Variants in ARHGEF18 observed in about 807,000 individuals in gnomAD.
The protein encoded by ARHGEF18 is rho guanine nucleotide exchange factor 18.
Under a neutral mutation model 155.7 loss-of-function variants are expected in ARHGEF18, and 93 were observed. The observed-to-expected ratio is 0.60, with a 90% CI of 0.50 to 0.71. The LOEUF is 0.71. Among genes scored for constraint, ARHGEF18 ranks in the 30% least tolerant of loss-of-function variants. ARHGEF18 has a pLI of 0.00. For missense variants in ARHGEF18, 1,593 were observed against 1,816.1 expected, an observed-to-expected ratio of 0.88 and a Z score of 2.23; for synonymous variants, 742 against 753.1, an observed-to-expected ratio of 0.99 and a Z score of 0.24.
chr19:7,381,099 G>A, intron 8 of ARHGEF18, 105 bp downstream of exon 8: 1 of 869,336 alleles, frequency 1.2e-6, no homozygotes, highest in Non-Finnish European at 1.5e-6. Flanking sequence ...AGGAGCTGGA[G>A]CCCCCATCAG....
chr19:7,452,713 G>A (rs564212209), intron 16 of ARHGEF18, among the ~76,000 whole-genome samples: 4 of 151,600 alleles, frequency 2.6e-5, no homozygotes, highest in East Asian at 2.0e-4. Context: ...TGATCTGCCC[G>A]CCTCAGCCTC....
intron 10 of ARHGEF18, among the ~76,000 whole-genome samples, chr19:7,385,862 T>TCTCTCTCTCC (rs2044688325): frequency 1.0e-5 from 1 of 97,406 alleles, no homozygotes; most frequent in Admixed American, 9.7e-5. Flanking sequence ...TCTCTCTCTC[T>TCTCTCTCTCC]CTCTCTCTCC....
In ARHGEF18 at chr19:7,422,277, C is replaced by T. The variant is rs188645347; in HGVS notation, c.968-18067C>T. On this transcript the variant is annotated intron_variant, in intron 10 of 28. Transcript: ENST00000668164. ...GCAGCATGTAAAACGCCACGCATGC[C>T]CCGCCCAGCCTGCCTTTTAATCTTC... Among the ~76,000 whole-genome samples, 212 of 152,048 alleles carry T rather than the reference C, an allele frequency of 1.4e-3. 1 individual carries two copies. The highest frequency in any genetic ancestry group is 6.8e-3 in the Middle Eastern group (2 of 294).
Position 7,444,596 on chromosome 19 carries a change from A to C in ARHGEF18, c.1611+142A>C. 2 of 1,236,298 alleles carry C rather than the reference A, an allele frequency of 1.6e-6. No individual in the cohort carries two copies. Among genetic ancestry groups the C allele is most frequent in the Non-Finnish European group, 2.2e-6 (2 of 910,626 alleles). The allele number at this position is 1,236,298 out of a possible 1,614,324, so 76.6% of individuals were successfully genotyped here. ...TGCAGTCACAGCTCAATGCAGCCTC[A>C]ACCTCTCAGGCTCAGGTGATCCTCC... On this transcript the variant is annotated intron_variant, in intron 14 of 28. Coordinates refer to ENST00000668164, the MANE Select transcript of ARHGEF18 (RefSeq NM_001367823.1). This position sits in a 1 kb window ranked among gnomAD's most constrained non-coding sequence, Gnocchi z 4.7.
chr19:7,462,330 C>A lies in ARHGEF18; in HGVS notation c.2631C>A (p.Ser877Arg), dbSNP rs2303140. 3.1e-6 allele frequency: 5 copies of A among 1,588,380 alleles called. No homozygotes were observed. Among genetic ancestry groups the A allele is most frequent in the Non-Finnish European group, 4.3e-6 (5 of 1,168,202 alleles). ...AGCTAATTCTCAAGTCGGCCATGAGCGAGAGTAAGTTGGCTGCCCACACCT... is the reference window on the plus strand; with the variant it reads ...AGCTAATTCTCAAGTCGGCCATGAGAGAGAGTAAGTTGGCTGCCCACACCT... ...QGELILKSAM[S>R]EIEGIQSLIC... Residue 877 changes from serine to arginine, a missense_variant, in exon 21 of 29, where the codon AGC becomes AGA. Ser to Arg is a moderately radical substitution (Grantham distance 110, BLOSUM62 -1). Coordinates refer to ENST00000668164, the MANE Select transcript of ARHGEF18 (RefSeq NM_001367823.1). This position sits in a 1 kb window ranked among gnomAD's most constrained non-coding sequence, Gnocchi z 4.4.
rs148646012 is a variant in ARHGEF18, at chr19:7,402,862, C to T, written c.967+19659C>T. Among the ~76,000 whole-genome samples, 255 of 152,270 alleles carry T rather than the reference C, an allele frequency of 1.7e-3. 5 individuals carry two copies. The East Asian group carries it at 0.034, about 20-fold the overall frequency. On this transcript the variant is annotated intron_variant, in intron 10 of 28. Coordinates refer to ENST00000668164, the MANE Select transcript of ARHGEF18 (RefSeq NM_001367823.1). ...TGAGAGCCTCGGAGCAGGTATAGCC[C>T]AGGCATGACCCAGAAAGCCCTCTTG...
chr19:7,469,811 G>C, intron 27 of ARHGEF18, 93 bp from the exon 28 acceptor site: 1 of 1,475,090 alleles, frequency 6.8e-7, no homozygotes, highest in Non-Finnish European at 9.2e-7. Context: ...TGTCAGGTGG[G>C]GGTGGCCAGG....
intron 23 of ARHGEF18, 101 bp from the exon 24 acceptor site, chr19:7,466,804 CAAAAAAAAAAAAA>C: frequency 8.1e-6 from 4 of 492,964 alleles, no homozygotes; most frequent in Non-Finnish European, 1.2e-5. Context: ...AATTCCGTCT[CAAAAAAAAAAAAA>C]AAAAAAAAAG....
At position 7,440,780 on chromosome 19, in the gene ARHGEF18, A is replaced by T. The variant is rs1974592199; in HGVS notation, c.1106+298A>T. On this transcript the variant is annotated intron_variant, in intron 11 of 28. Transcript: ENST00000668164. The surrounding 1 kb of genome is among the most constrained non-coding windows in gnomAD (Gnocchi z 5.4). ...CTGACTTACTCAAGGCGATGCTCAA[A>T]GTCCTGCTGGGTGTGTGGAGGCGGC... 6.6e-6 allele frequency among the ~76,000 whole-genome samples: 1 copy of T among 152,150 alleles called. No individual in the cohort carries two copies. Among genetic ancestry groups the T allele is most frequent in the Admixed American group, 6.6e-5 (1 of 15,266 alleles).
At chr19:7,456,435 G>T in intron 18 of ARHGEF18, 32 bp downstream of exon 18, 1 of 1,601,782 alleles carries the variant, frequency 6.2e-7, no homozygotes, top group Non-Finnish European at 8.6e-7. Context: ...ACGAAGGGTC[G>T]GCTGGGTGCT....
chr19:7,445,939 C>T (rs1292148082), intron 14 of ARHGEF18, among the ~76,000 whole-genome samples: 13 of 152,068 alleles, frequency 8.5e-5, no homozygotes, highest in Non-Finnish European at 5.9e-5. Context: ...TTGTTTCTAA[C>T]GTCCTTTGGC....
At chr19:7,421,758 C>T (rs1973362212) in intron 10 of ARHGEF18, among the ~76,000 whole-genome samples, 2 of 151,946 alleles carry the variant, frequency 1.3e-5, no homozygotes, top group Admixed American at 1.3e-4. Context: ...TGACACTCCG[C>T]CTCAAAAATA....
At position 7,467,653 on chromosome 19, in the gene ARHGEF18, C is replaced by T; in HGVS notation, c.3449C>T (p.Pro1150Leu). ...CGCCTCAAGAAGCAGAACACCGCGCCAGGCGCGCTGCCGCCCGACACACTG... is the reference window on the plus strand; with the variant it reads ...CGCCTCAAGAAGCAGAACACCGCGCTAGGCGCGCTGCCGCCCGACACACTG... ...LRRLKKQNTAPGALPPDTLAE... is the reference protein window; with the variant it reads ...LRRLKKQNTALGALPPDTLAE... The change falls in exon 26 of 29, where the codon CCA (proline) becomes CTA (leucine). Residue 1150 changes from proline to leucine, a missense_variant. Transcript: ENST00000668164. 4 of 1,514,784 alleles carry T rather than the reference C, an allele frequency of 2.6e-6. No homozygotes were observed. The highest frequency in any genetic ancestry group is 3.5e-6 in the Non-Finnish European group (4 of 1,139,238). The allele number at this position is 1,514,784 out of a possible 1,614,324, so 93.8% of individuals were successfully genotyped here.
chr19:7,416,200 C>A lies in ARHGEF18; in HGVS notation c.968-24144C>A, dbSNP rs1344058811. Among the ~76,000 whole-genome samples, 3 of 152,078 alleles carry A rather than the reference C, an allele frequency of 2.0e-5. No individual in the cohort carries two copies. The East Asian group carries it at 5.8e-4, about 29-fold the overall frequency. ...ATTAGTTGAGCCCAGGAGTTTGAGA[C>A]CAGCCAGCCTGGGCAACATAGCAAG... On this transcript the variant is annotated intron_variant, in intron 10 of 28. Transcript: ENST00000668164.
rs567934242 is a variant in ARHGEF18 at position 7,450,097 on chromosome 19, T to C, written c.1738-1052T>C. On this transcript the variant is annotated intron_variant, in intron 15 of 28. Coordinates refer to ENST00000668164, the MANE Select transcript of ARHGEF18 (RefSeq NM_001367823.1). ...TGAGAAAGGAAGGAGCCCCCAGCCT[T>C]GGCAGCCGATTGTTGACAAATTGGG... 2.6e-5 allele frequency among the ~76,000 whole-genome samples: 4 copies of C among 151,070 alleles called. No individual in the cohort carries two copies. The South Asian group carries it at 8.4e-4, about 32-fold the overall frequency.
At chr19:7,443,534 C>T (rs34440626) in intron 13 of ARHGEF18, among the ~76,000 whole-genome samples, 28,723 of 152,128 alleles carry the variant, frequency 0.19, 3,026 homozygotes, top group Non-Finnish European at 0.23. Flanking sequence ...CCAGTCCCAC[C>T]ATGAGGTTCT....
rs150442510 is a variant in ARHGEF18 at position 7,463,872 on chromosome 19, C to T, written c.2690C>T (p.Ala897Val). The change falls in exon 22 of 29, where the codon GCG becomes GTG. Residue 897 changes from alanine (A) to valine (V), a missense_variant. By Grantham distance (64) the Ala-to-Val change is moderately conservative (BLOSUM62 0). Coordinates refer to ENST00000668164, the MANE Select transcript of ARHGEF18 (RefSeq NM_001367823.1). The surrounding 1 kb of genome is among the most constrained non-coding windows in gnomAD (Gnocchi z 5.2). ...CAGCTGGGCAGCGCCAACGGCCAGG[C>T]GGAAGACGGAGGCAGCTCCACAGGC... ...CRQLGSANGQAEDGGSSTGPP... is the reference protein window; with the variant it reads ...CRQLGSANGQVEDGGSSTGPP... 250 of 1,603,306 alleles carry T rather than the reference C, an allele frequency of 1.6e-4. No individual in the cohort carries two copies. Among genetic ancestry groups the T allele is most frequent in the Middle Eastern group, 1.3e-3 (8 of 6,062 alleles).
At position 7,456,410 on chromosome 19, in the gene ARHGEF18, A is replaced by G. The variant is rs1369321151; in HGVS notation, c.2181+7A>G. The G allele has an allele frequency of 1.2e-6, 2 of 1,613,460 alleles. No individual in the cohort carries two copies. Among genetic ancestry groups the G allele is most frequent in the South Asian group, 1.1e-5 (1 of 91,066 alleles). On this transcript the variant is annotated splice_region_variant and intron_variant, in intron 18 of 28. Transcript: ENST00000668164. ...ATACGTCTTTGCTTCTGTGGTATGT[A>G]TCCTGTCTCTTCAGACGAAGGGTCG... is the stretch of plus-strand genomic sequence containing the variant.
intron 10 of ARHGEF18, chr19:7,439,908 T>A (rs778356988): frequency 6.8e-6 from 10 of 1,464,028 alleles, no homozygotes; most frequent in Admixed American, 2.8e-5. Context: ...TTTTATTCTA[T>A]CAAAGCAGCA....
Sources: gnomAD v4.1 joint callset for allele counts (sites outside exome capture counted in the v4.1 genomes callset) on GRCh38, gnomAD v4.1.1 for gene constraint, Gnocchi (gnomAD v3.1) non-coding constraint, MANE v1.5 for transcripts, NCBI Gene and HGNC (gene_info 2026-07-23, HGNC 2026-07-21) for gene names.